Variants in TRNT1 observed in about 807,000 individuals in gnomAD.
TRNT1 encodes the protein tRNA nucleotidyl transferase 1, also known as CCA tRNA nucleotidyltransferase 1, mitochondrial.
Under a neutral mutation model 45.6 loss-of-function variants are expected in TRNT1, and 44 were observed. That is an observed-to-expected ratio of 0.97 (90% CI 0.76 to 1.24). TRNT1 has a LOEUF of 1.24. Among genes scored for constraint, TRNT1 ranks in the 50% most tolerant of loss-of-function variants. The pLI, the probability that TRNT1 is intolerant of heterozygous loss-of-function variation, is 0.00. For synonymous variants in TRNT1, 201 were observed against 171.4 expected (o/e 1.17, Z -1.35); for missense variants, 633 against 504.4 (o/e 1.25, Z -2.44).
At chr3:3,145,591 A>G (rs1394429270) in intron 5 of TRNT1, 1 of 152,042 alleles carries the variant, frequency 6.6e-6, no homozygotes, top group Non-Finnish European at 1.5e-5. Context: ...ATGATGTTTA[A>G]ATGTCACACA....
At chr3:3,146,700 T>TG (rs1352988744) in intron 6 of TRNT1, 77 bp downstream of exon 6, 3 of 1,307,456 alleles carry the variant, frequency 2.3e-6, no homozygotes, top group Non-Finnish European at 3.1e-6. Flanking sequence ...AAAAAATGTT[T>TG]GACTCATTTG....
intron 1 of TRNT1, among the ~76,000 whole-genome samples, chr3:3,128,358 A>G (rs1704738277): frequency 6.6e-6 from 1 of 152,130 alleles, no homozygotes; most frequent in Non-Finnish European, 1.5e-5. Flanking sequence ...GCACTTTGGG[A>G]GGCTGAGGCG....
chr3:3,149,634 C>G (rs898959966), downstream of TRNT1: 3 of 151,998 alleles, frequency 2.0e-5, no homozygotes, highest in African/African-American at 7.2e-5. Flanking sequence ...CCAGTGAAGT[C>G]ACACAAACCC....
Position 3,146,621 on chromosome 3 carries a change from T to C in TRNT1, c.800T>C (p.Ile267Thr), listed in dbSNP as rs113909075. Reference protein sequence around the residue: ...LIYDLDVAPYIGLPANASLEE... With the variant: ...LIYDLDVAPYTGLPANASLEE... ...TATGATCTTGATGTGGCTCCTTATA[T>C]AGGTGAGAGCAAGTTATAAAGTGTT... The change falls in exon 6 of 8, where the codon ATA becomes ACA. Residue 267 changes from isoleucine (I) to threonine (T), a missense_variant and splice_region_variant. Coordinates refer to ENST00000251607, the MANE Select transcript of TRNT1 (RefSeq NM_182916.3). 6 of 1,601,188 alleles carry C rather than the reference T, an allele frequency of 3.7e-6. No homozygotes were observed. The African/African-American group carries it at 6.7e-5, about 18-fold the overall frequency.
At chr3:3,140,271 CTCA>C (rs1285534672) in intron 3 of TRNT1, among the ~76,000 whole-genome samples, 2 of 148,104 alleles carry the variant, frequency 1.4e-5, no homozygotes, top group African/African-American at 4.9e-5. Context: ...GTGTGTTAAA[CTCA>C]TCTTTTTTAA....
chr3:3,133,255 A>G (rs1009901557), intron 2 of TRNT1, among the ~76,000 whole-genome samples: 9 of 152,130 alleles, frequency 5.9e-5, no homozygotes, highest in Non-Finnish European at 1.5e-5. Flanking sequence ...CTAGTGGCAT[A>G]GAAGATTATT....
chr3:3,129,980 C>A, intron 2 of TRNT1: 1 of 1,550,262 alleles, frequency 6.5e-7, no homozygotes, highest in Middle Eastern at 1.7e-4. Context: ...CCATTGTGCA[C>A]GTTGCAAAAC....
intron 4 of TRNT1, 117 bp from the exon 5 acceptor site, chr3:3,144,467 A>G (rs929310024): frequency 6.0e-6 from 6 of 994,246 alleles, no homozygotes; most frequent in African/African-American, 3.3e-5. Context: ...ATGTGTTTTA[A>G]TAACTGTTCA....
chr3:3,142,592 G>A (rs1005211340), intron 4 of TRNT1, among the ~76,000 whole-genome samples: 2 of 152,188 alleles, frequency 1.3e-5, no homozygotes, highest in Non-Finnish European at 2.9e-5. Flanking sequence ...ACTAAGCTTT[G>A]TGTAGTTTTC....
chr3:3,130,012 A>C, intron 2 of TRNT1: 1 of 1,504,230 alleles, frequency 6.6e-7, no homozygotes, highest in African/African-American at 1.5e-5. Flanking sequence ...GAGCATAGGA[A>C]ATGGCTTTAG....
chr3:3,145,796 T>C (rs1705972377), intron 5 of TRNT1, among the ~76,000 whole-genome samples: 1 of 152,132 alleles, frequency 6.6e-6, no homozygotes, highest in Non-Finnish European at 1.5e-5. Flanking sequence ...TGTATTTGTA[T>C]CACTAATCCA....
At chr3:3,152,277 C>T (rs1262730685), downstream of TRNT1, among the ~76,000 whole-genome samples, 3 of 151,824 alleles carry the variant, frequency 2.0e-5, no homozygotes, top group African/African-American at 4.8e-5. Flanking sequence ...CTCAGCATCC[C>T]GAGCAGCTGG....
intron 3 of TRNT1, 96 bp downstream of exon 3, chr3:3,137,549 T>A: frequency 9.1e-7 from 1 of 1,104,448 alleles, no homozygotes; most frequent in Admixed American, 2.9e-5. Context: ...AAAAGTCTAA[T>A]AAAAAAGTCA....
downstream of TRNT1, chr3:3,153,354 A>C: frequency 1.1e-6 from 1 of 934,512 alleles, no homozygotes; most frequent in Admixed American, 1.8e-5. Context: ...AAGTTTATGG[A>C]AAACAGAAAT....
chr3:3,143,553 G>T (rs979085943), intron 4 of TRNT1, among the ~76,000 whole-genome samples: 2 of 152,122 alleles, frequency 1.3e-5, no homozygotes. Context: ...TGTTTGCATC[G>T]TTGCCGATCT....
At chr3:3,151,992 A>G (rs1669342), downstream of TRNT1, among the ~76,000 whole-genome samples, 107,850 of 152,040 alleles carry the variant, frequency 0.71, 39,781 homozygotes, top group Middle Eastern at 0.86. Flanking sequence ...TCAGAATTAC[A>G]TGACTGACAG....
chr3:3,137,477 A>T (rs772407189), intron 3 of TRNT1, 24 bp downstream of exon 3: 4 of 1,548,252 alleles, frequency 2.6e-6, no homozygotes, highest in Non-Finnish European at 3.5e-6. Context: ...TTGACAGGTA[A>T]TTACATTGCT....
chr3:3,146,911 C>T (rs902811045), intron 6 of TRNT1, among the ~76,000 whole-genome samples: 3 of 151,972 alleles, frequency 2.0e-5, no homozygotes, highest in African/African-American at 7.3e-5. Flanking sequence ...CCCAAAAAAG[C>T]GGTTTAAAAG....
intron 4 of TRNT1, among the ~76,000 whole-genome samples, chr3:3,143,399 T>A (rs2126028785): frequency 6.6e-6 from 1 of 152,328 alleles, no homozygotes; most frequent in East Asian, 1.9e-4. Flanking sequence ...TGAGAACATT[T>A]GTTTATTACC....
Sources: allele counts gnomAD v4.1 joint callset (sites outside exome capture counted in the v4.1 genomes callset), GRCh38; gene constraint gnomAD v4.1.1; transcripts MANE v1.5; gene names NCBI Gene and HGNC (gene_info 2026-07-23, HGNC 2026-07-21).